CRISP3: variants seen among roughly 807,000 people sequenced by gnomAD.
CRISP3 encodes cysteine-rich secretory protein 3.
Under a neutral mutation model 36.1 loss-of-function variants are expected in CRISP3, and 33 were observed. The observed-to-expected ratio is 0.91, with a 90% confidence interval of 0.69 to 1.22. The LOEUF is 1.22. Among genes scored for constraint, CRISP3 ranks in the 50% most tolerant of loss-of-function variants. CRISP3 has a pLI of 0.00. For missense variants in CRISP3, 330 were observed against 301.2 expected, an observed-to-expected ratio of 1.10 and a Z score of -0.71; for synonymous variants, 117 against 104.6, an observed-to-expected ratio of 1.12 and a Z score of -0.72.
chr6:49,728,187 T>C lies in CRISP3; in HGVS notation c.*543A>G, dbSNP rs1408653639. ...GGCAAAATAAAAGTCAGGATTGTTT[T>C]AGGAGGAACAGCTTCAACTCAATTG... On this transcript the variant is annotated 3_prime_UTR_variant, in exon 8 of 8. Coordinates refer to ENST00000263045, the MANE Select transcript of CRISP3 (RefSeq NM_006061.4). The C allele has an allele frequency of 1.3e-5, 2 of 152,192 alleles. No individual in the cohort carries two copies. The highest frequency in any genetic ancestry group is 2.9e-5 in the Non-Finnish European group (2 of 68,026). 9.4% of individuals were successfully genotyped at this position (152,192 alleles called of 1,614,324 possible). A position where few individuals can be genotyped will look rare whatever the true frequency, so the allele number is the denominator to read the frequency against.
chr6:49,733,877 A>G (rs1342145044), intron 4 of CRISP3, 29 bp from the exon 5 acceptor site: 2 of 1,602,980 alleles, frequency 1.2e-6, no homozygotes, highest in Admixed American at 3.4e-5. Context: ...CTCATGAGGA[A>G]AGCAATAAAG....
chr6:49,732,899 A>G (rs1768949528), intron 6 of CRISP3, among the ~76,000 whole-genome samples: 1 of 152,174 alleles, frequency 6.6e-6, no homozygotes, highest in Non-Finnish European at 1.5e-5. Context: ...TTATATTTAG[A>G]TAACTACACA....
Position 49,735,516 on chromosome 6 carries a change from C to A in CRISP3, c.304G>T (p.Asp102Tyr). Residue 102 changes from aspartate (D) to tyrosine (Y), a missense_variant, in exon 4 of 8, where the codon GAT (aspartate) becomes TAT (tyrosine). Asp to Tyr is a radical substitution (Grantham distance 160). Coordinates refer to ENST00000263045, the MANE Select transcript of CRISP3 (RefSeq NM_006061.4). The part of the protein sequence containing the change: ...QCNYRHSNPK[D>Y]RMTSLKCGEN... ...CTAATTTACATACTTGTCATTCGATCCTTTGGGTTACTGTGTCTGTAATTG... is the reference window on the plus strand; with the variant it reads ...CTAATTTACATACTTGTCATTCGATACTTTGGGTTACTGTGTCTGTAATTG... 1 of 1,609,036 alleles carries A rather than the reference C, an allele frequency of 6.2e-7. No homozygotes were observed. Among genetic ancestry groups the A allele is most frequent in the South Asian group, 1.1e-5 (1 of 90,542 alleles).
intron 1 of CRISP3, among the ~76,000 whole-genome samples, chr6:49,740,378 T>C (rs1030902305): frequency 6.6e-6 from 1 of 152,228 alleles, no homozygotes; most frequent in Non-Finnish European, 1.5e-5. Context: ...TCAAATGGTC[T>C]ATTTATAAAG....
At chr6:49,734,869 A>G (rs577751881) in intron 4 of CRISP3, among the ~76,000 whole-genome samples, 2 of 152,126 alleles carry the variant, frequency 1.3e-5, no homozygotes, top group South Asian at 4.1e-4. Flanking sequence ...AATTGTTTTT[A>G]TATTTATTGA....
chr6:49,733,127 G>T (rs1211372651), intron 6 of CRISP3, 68 bp downstream of exon 6: 19 of 899,576 alleles, frequency 2.1e-5, no homozygotes, highest in Non-Finnish European at 2.6e-5. Context: ...ATGCTTTTTA[G>T]TTTTTTTTTA....
intron 1 of CRISP3, among the ~76,000 whole-genome samples, chr6:49,742,475 T>C (rs970288332): frequency 6.6e-6 from 1 of 151,600 alleles, no homozygotes; most frequent in Non-Finnish European, 1.5e-5. Flanking sequence ...CTACTAAAAC[T>C]ACAAAAGTTA....
Position 49,733,375 on chromosome 6 carries a change from G to A in CRISP3, c.463-83C>T. The stretch of plus-strand genomic sequence containing the variant: ...AACAAATAGTAGGAAATACAAAATG[G>A]AGAAGAATGTTACCGACATATTTTG... On this transcript the variant is annotated intron_variant, in intron 5 of 7. Transcript: ENST00000263045. 3 of 938,852 alleles carry A rather than the reference G, an allele frequency of 3.2e-6. No individual in the cohort carries two copies. In the South Asian group the frequency reaches 5.0e-5, roughly 16 times the overall value. 58.2% of individuals were successfully genotyped at this position (938,852 alleles called of 1,614,324 possible). A position where few individuals can be genotyped will look rare whatever the true frequency, so the allele number is the denominator to read the frequency against.
rs369501319 is a variant in CRISP3 at position 49,728,713 on chromosome 6, C to A, written c.*17G>T. Reference sequence around the variant, plus strand: ...TGACTCCTCTCTACATAGCCCTACTCGGTGTGTAATGCGTATTTAATAAAT... The same window carrying A: ...TGACTCCTCTCTACATAGCCCTACTAGGTGTGTAATGCGTATTTAATAAAT... On this transcript the variant is annotated 3_prime_UTR_variant, in exon 8 of 8. Transcript: ENST00000263045. 2.5e-6 allele frequency: 4 copies of A among 1,604,668 alleles called. No individual in the cohort carries two copies. The highest frequency in any genetic ancestry group is 4.5e-5 in the East Asian group (2 of 44,608).
intron 2 of CRISP3, among the ~76,000 whole-genome samples, chr6:49,737,044 CA>C (rs1216423478): frequency 2.0e-5 from 3 of 152,112 alleles, no homozygotes; most frequent in South Asian, 2.1e-4. Flanking sequence ...TGGGATCACT[CA>C]AAAGATAGTT....
chr6:49,735,710 T>C, intron 3 of CRISP3, 119 bp from the exon 4 acceptor site: 1 of 645,090 alleles, frequency 1.6e-6, no homozygotes, highest in Non-Finnish European at 2.6e-6. Flanking sequence ...ACAAGCATCT[T>C]CTGATTTTTA....
chr6:49,728,788 T>G lies in CRISP3; in HGVS notation c.719A>C (p.His240Pro). 1.2e-6 allele frequency: 2 copies of G among 1,612,814 alleles called. No homozygotes were observed. Among genetic ancestry groups the G allele is most frequent in the Non-Finnish European group, 1.7e-6 (2 of 1,179,244 alleles). ...KSLKLTLTCK[H>P]QLVRDSCKAS... ...CTTGCAACTGTCCCTGACCAACTGA[T>G]GTTTACAGGTTAATGTGAGCTTCAA... The change falls in exon 8 of 8, where the codon CAT (histidine) becomes CCT (proline). Residue 240 changes from histidine (H) to proline (P), a missense_variant. By Grantham distance (77) the His-to-Pro change is moderately conservative. Transcript: ENST00000263045.
Position 49,728,096 on chromosome 6 carries a change from A to T in CRISP3, c.*634T>A, listed in dbSNP as rs1261031967. The T allele has an allele frequency of 1.3e-5, 2 of 152,124 alleles. No individual in the cohort carries two copies. Among genetic ancestry groups the T allele is most frequent in the Non-Finnish European group, 2.9e-5 (2 of 67,984 alleles). 9.4% of individuals were successfully genotyped at this position (152,124 alleles called of 1,614,324 possible). A position where few individuals can be genotyped will look rare whatever the true frequency, so the allele number is the denominator to read the frequency against. The stretch of plus-strand genomic sequence containing the variant: ...CAAAGAGAAGAGAGGTTTAAAAATG[A>T]AGGTTTGATCATATTCTACTGTAAA... On this transcript the variant is annotated 3_prime_UTR_variant, in exon 8 of 8. Transcript: ENST00000263045.
intron 1 of CRISP3, 148 bp downstream of exon 1, chr6:49,744,183 A>G: frequency 1.9e-6 from 1 of 513,662 alleles, no homozygotes; most frequent in Non-Finnish European, 3.3e-6. Context: ...ATATTAAGAT[A>G]ATTACTCTCA....
At chr6:49,740,546 C>T (rs2127453426) in intron 1 of CRISP3, among the ~76,000 whole-genome samples, 1 of 148,166 alleles carries the variant, frequency 6.7e-6, no homozygotes, top group Non-Finnish European at 1.5e-5. Context: ...AGAATAAAGT[C>T]TCTCATGACT....
chr6:49,742,258 A>G (rs925760945), intron 1 of CRISP3, among the ~76,000 whole-genome samples: 6 of 152,218 alleles, frequency 3.9e-5, no homozygotes, highest in Non-Finnish European at 5.9e-5. Context: ...AAAGATATCA[A>G]TCCTAAACTA....
At chr6:49,736,622 G>C in intron 2 of CRISP3, 115 bp from the exon 3 acceptor site, 1 of 788,818 alleles carries the variant, frequency 1.3e-6, no homozygotes, top group East Asian at 2.5e-5. Context: ...GCCAATGCTA[G>C]GTAAACATTG....
At chr6:49,739,172 G>C (rs1769137866) in intron 1 of CRISP3, among the ~76,000 whole-genome samples, 1 of 152,170 alleles carries the variant, frequency 6.6e-6, no homozygotes, top group Admixed American at 6.5e-5. Flanking sequence ...CTAGTGTGCT[G>C]TATTTAGAGA....
intron 1 of CRISP3, among the ~76,000 whole-genome samples, chr6:49,737,959 T>TG (rs1184507340): frequency 6.6e-6 from 1 of 152,226 alleles, no homozygotes; most frequent in Non-Finnish European, 1.5e-5. Flanking sequence ...ATGCTTTTTA[T>TG]GCATACCTTT....
Sources: gnomAD v4.1 joint callset for allele counts (sites outside exome capture counted in the v4.1 genomes callset) on GRCh38, gnomAD v4.1.1 for gene constraint, MANE v1.5 for transcripts, NCBI Gene and HGNC (gene_info 2026-07-23, HGNC 2026-07-21) for gene names.